The following OLA1 variants were observed in gnomAD, a reference collection of about 807,000 sequenced individuals.
OLA1 encodes the protein Obg like ATPase 1.
In OLA1, 14 loss-of-function variants were observed where a neutral mutation model predicts 48.4. The observed-to-expected ratio is 0.29, with a 90% CI of 0.19 to 0.45. The LOEUF (loss-of-function observed/expected upper bound fraction) is 0.45. OLA1 is among the 20% of genes least tolerant of loss of function. The pLI is 1.00. For synonymous variants in OLA1, 127 were observed against 150.4 expected, an observed-to-expected ratio of 0.84 and a Z score of 1.14; for missense variants, 325 against 467.1, an observed-to-expected ratio of 0.70 and a Z score of 2.80.
chr2:174,154,485 T>TA (rs922668564), intron 4 of OLA1, among the ~76,000 whole-genome samples: 24 of 151,354 alleles, frequency 1.6e-4, no homozygotes, highest in African/African-American at 2.9e-4. Context: ...GCCTAAAAGA[T>TA]AAAAAAAAAT....
intron 4 of OLA1, among the ~76,000 whole-genome samples, chr2:174,178,029 TA>T (rs1052034544): frequency 2.7e-4 from 41 of 152,186 alleles, no homozygotes; most frequent in African/African-American, 8.7e-4. Context: ...CAAAATATAC[TA>T]GCCCTATTTT....
At chr2:174,131,223 T>C (rs1024498815) in intron 5 of OLA1, among the ~76,000 whole-genome samples, 3 of 152,146 alleles carry the variant, frequency 2.0e-5, no homozygotes, top group Admixed American at 6.5e-5. Context: ...ACACAATATA[T>C]ATTACTTTGC....
chr2:174,075,613 T>C, intron 10 of OLA1, 86 bp from the exon 11 acceptor site: 1 of 788,784 alleles, frequency 1.3e-6, no homozygotes, highest in Non-Finnish European at 2.1e-6. Context: ...ATAAAAAGTA[T>C]TATACTACTT....
intron 4 of OLA1, among the ~76,000 whole-genome samples, chr2:174,189,921 C>A (rs894775971): frequency 1.2e-4 from 17 of 147,822 alleles, no homozygotes; most frequent in African/African-American, 4.2e-4. Flanking sequence ...AAGTACCCAC[C>A]AATACTGAAT....
intron 7 of OLA1, among the ~76,000 whole-genome samples, chr2:174,119,694 G>A (rs746687897): frequency 3.3e-5 from 5 of 152,042 alleles, no homozygotes; most frequent in Admixed American, 6.6e-5. Context: ...AACACATAAA[G>A]ATGGGAAAGG....
chr2:174,179,427 G>T (rs1162333676), intron 4 of OLA1, among the ~76,000 whole-genome samples: 1 of 151,752 alleles, frequency 6.6e-6, no homozygotes, highest in Non-Finnish European at 1.5e-5. Context: ...ATATATATTT[G>T]TTAGACTAAA....
At chr2:174,167,863 C>G (rs1312488530) in intron 4 of OLA1, among the ~76,000 whole-genome samples, 1 of 152,142 alleles carries the variant, frequency 6.6e-6, no homozygotes, top group Non-Finnish European at 1.5e-5. Flanking sequence ...TATTACGTAG[C>G]CTAAAATTCC....
At chr2:174,095,329 T>G (rs943149358) in intron 7 of OLA1, among the ~76,000 whole-genome samples, 1 of 83,418 alleles carries the variant, frequency 1.2e-5, no homozygotes, top group African/African-American at 3.9e-5. Context: ...TTTCCTGTTT[T>G]TTTTTTTTTT....
chr2:174,086,988 CT>C (rs1252418621), intron 7 of OLA1, among the ~76,000 whole-genome samples: 10 of 151,182 alleles, frequency 6.6e-5, no homozygotes, highest in Admixed American at 6.6e-4. Context: ...CTAGAGAGTC[CT>C]TTTCTTGCTT....
chr2:174,093,836 T>A (rs572626744), intron 7 of OLA1, among the ~76,000 whole-genome samples: 58 of 152,346 alleles, frequency 3.8e-4, no homozygotes, highest in African/African-American at 1.3e-3. Context: ...GGATAAACTA[T>A]CTCTCTTTTC....
rs563676852 is a variant in OLA1 at position 174,122,685 on chromosome 2, G to A, written c.728+495C>T. Among the ~76,000 whole-genome samples, 31 of 150,342 alleles carry A rather than the reference G, an allele frequency of 2.1e-4. 1 individual carries two copies. The Middle Eastern group carries it at 0.011, about 52-fold the overall frequency. ...TACATGAATGCATAGTTTTTACCTCGATGTACTTTTAAAGCATTTGAAACA... is the reference window on the plus strand; with the variant it reads ...TACATGAATGCATAGTTTTTACCTCAATGTACTTTTAAAGCATTTGAAACA... On this transcript the variant is annotated intron_variant, in intron 7 of 10. Transcript: ENST00000284719.
chr2:174,119,484 T>C (rs952478199), intron 7 of OLA1, among the ~76,000 whole-genome samples: 1 of 152,070 alleles, frequency 6.6e-6, no homozygotes, highest in African/African-American at 2.4e-5. Flanking sequence ...CATACAGAAA[T>C]AGAAAATTGT....
intron 4 of OLA1, among the ~76,000 whole-genome samples, chr2:174,204,396 G>A (rs1053750752): frequency 2.0e-5 from 3 of 151,930 alleles, no homozygotes; most frequent in African/African-American, 7.3e-5. Context: ...GCGAGACTCT[G>A]TCTCAAAAAA....
intron 3 of OLA1, among the ~76,000 whole-genome samples, chr2:174,227,802 A>C (rs548335767): frequency 1.6e-4 from 25 of 152,336 alleles, no homozygotes; most frequent in Non-Finnish European, 3.5e-4. Flanking sequence ...GAATGATAGA[A>C]TTACAAAATC....
intron 7 of OLA1, among the ~76,000 whole-genome samples, chr2:174,109,435 G>A (rs1685594666): frequency 6.6e-6 from 1 of 152,082 alleles, no homozygotes; most frequent in African/African-American, 2.4e-5. Context: ...ATCATGAACT[G>A]TGTAATTGCT....
chr2:174,125,509 A>C (rs1686028037), intron 5 of OLA1, among the ~76,000 whole-genome samples: 1 of 152,230 alleles, frequency 6.6e-6, no homozygotes. Context: ...CAATTAAAGA[A>C]AGAAAACAGA....
intron 5 of OLA1, among the ~76,000 whole-genome samples, chr2:174,126,827 T>G (rs756875123): frequency 1.4e-4 from 22 of 152,226 alleles, no homozygotes; most frequent in Non-Finnish European, 2.2e-4. Flanking sequence ...TTCTCTTGGG[T>G]GCTCCTTTAA....
chr2:174,145,685 C>A (rs767413583), intron 4 of OLA1, among the ~76,000 whole-genome samples: 1 of 152,126 alleles, frequency 6.6e-6, no homozygotes, highest in East Asian at 1.9e-4. Context: ...TCAATTTTGA[C>A]ATGTGATACT....
intron 4 of OLA1, among the ~76,000 whole-genome samples, chr2:174,151,096 C>G (rs1686735905): frequency 7.3e-6 from 1 of 137,606 alleles, no homozygotes; most frequent in South Asian, 2.7e-4. Flanking sequence ...CAGGGTAAGT[C>G]TGGAGCTCAT....
Sources: allele counts gnomAD v4.1 joint callset (sites outside exome capture counted in the v4.1 genomes callset), GRCh38; gene constraint gnomAD v4.1.1; transcripts MANE v1.5; gene names NCBI Gene and HGNC (gene_info 2026-07-23, HGNC 2026-07-21).